The following SMARCA5 variants were observed in gnomAD, a reference collection of about 807,000 sequenced individuals.
The protein encoded by SMARCA5 is SWI/SNF-related matrix-associated actin-dependent regulator of chromatin subfamily A member 5.
In SMARCA5, 18 loss-of-function variants were observed where a neutral mutation model predicts 140.4. That is an observed-to-expected ratio of 0.13 (90% CI 0.09 to 0.19). SMARCA5 has a LOEUF of 0.19. SMARCA5 is among the 10% of genes least tolerant of loss of function. The probability of loss-of-function intolerance (pLI) is 1.00; values close to 1 mark genes in which losing one functional copy is unlikely to be tolerated. For missense variants in SMARCA5, 606 were observed against 1,276.8 expected (o/e 0.47, Z 8.01); for synonymous variants, 449 against 419.6 (o/e 1.07, Z -0.86).
intron 11 of SMARCA5, 117 bp from the exon 12 acceptor site, chr4:143,538,473 T>TCGG: frequency 1.2e-6 from 1 of 810,464 alleles, no homozygotes; most frequent in Non-Finnish European, 2.0e-6. Flanking sequence ...TTTTTCCCCC[T>TCGG]TGTAACCAAG....
chr4:143,526,478 C>T lies in SMARCA5; in HGVS notation c.801+18C>T, dbSNP rs1192048824. ...AACAAAGAGTAAGTTTCTAGTATTTCATTACATTTTTGAGGCTAAAATAAT... is the reference window on the plus strand; with the variant it reads ...AACAAAGAGTAAGTTTCTAGTATTTTATTACATTTTTGAGGCTAAAATAAT... On this transcript the variant is annotated intron_variant, in intron 6 of 23. Coordinates refer to ENST00000283131, the MANE Select transcript of SMARCA5 (RefSeq NM_003601.4). The T allele has an allele frequency of 1.9e-6, 3 of 1,540,548 alleles. No homozygotes were observed. Among genetic ancestry groups the T allele is most frequent in the East Asian group, 2.3e-5 (1 of 44,416 alleles).
intron 1 of SMARCA5, chr4:143,514,422 A>G: frequency 3.3e-6 from 1 of 300,316 alleles, no homozygotes; most frequent in South Asian, 6.0e-5. Flanking sequence ...TTCCCACTAG[A>G]CTCCCATAAT....
intron 23 of SMARCA5, among the ~76,000 whole-genome samples, chr4:143,551,825 ATAAGT>A (rs1386394397): frequency 1.3e-5 from 2 of 152,034 alleles, no homozygotes; most frequent in Non-Finnish European, 2.9e-5. Flanking sequence ...GCTCGGTACT[ATAAGT>A]TAAGTCAGGT....
At chr4:143,551,052 C>T (rs553833682) in intron 23 of SMARCA5, among the ~76,000 whole-genome samples, 2 of 152,134 alleles carry the variant, frequency 1.3e-5, no homozygotes, top group African/African-American at 4.8e-5. Flanking sequence ...TCCTTTTCTC[C>T]ACATTCTTGT....
At position 143,521,321 on chromosome 4, in the gene SMARCA5, CTCTT is replaced by C. The variant is rs914818408; in HGVS notation, c.253-106_253-103del. 5.7e-6 allele frequency: 4 copies of C among 706,082 alleles called. No individual in the cohort carries two copies. The African/African-American group carries it at 7.2e-5, about 13-fold the overall frequency. 43.7% of individuals were successfully genotyped at this position (706,082 alleles called of 1,614,324 possible). On this transcript the variant is annotated intron_variant, in intron 2 of 23. Transcript: ENST00000283131. The stretch of plus-strand genomic sequence containing the variant: ...ATCCATGTTGCATTTATCTGTAGTT[CTCTT>C]TTTTTTTTTGCTGAGTTCATTGTAT...
chr4:143,547,119 G>A (rs546393247), intron 20 of SMARCA5, among the ~76,000 whole-genome samples: 55 of 152,144 alleles, frequency 3.6e-4, no homozygotes, highest in African/African-American at 1.2e-3. Context: ...TAACTCTAGC[G>A]ACAGCAAAGA....
chr4:143,544,579 A>G (rs918533685), intron 16 of SMARCA5, among the ~76,000 whole-genome samples, 158 bp from the exon 17 acceptor site: 1 of 152,196 alleles, frequency 6.6e-6, no homozygotes, highest in Admixed American at 6.5e-5. Flanking sequence ...TGTTAATTAT[A>G]TACATAATAT....
chr4:143,517,069 T>G (rs1736856696), intron 1 of SMARCA5, among the ~76,000 whole-genome samples: 1 of 152,206 alleles, frequency 6.6e-6, no homozygotes, highest in Non-Finnish European at 1.5e-5. Flanking sequence ...ACAGATTGGC[T>G]TGTATTAAAT....
chr4:143,515,564 A>G (rs1431854249), intron 1 of SMARCA5, among the ~76,000 whole-genome samples: 1 of 152,238 alleles, frequency 6.6e-6, no homozygotes, highest in East Asian at 1.9e-4. Flanking sequence ...CAAACTTTGG[A>G]AAAATGAATG....
In SMARCA5 at chr4:143,552,874, A is replaced by C. The variant is rs913010840; in HGVS notation, c.3094-245A>C. Among the ~76,000 whole-genome samples the C allele has an allele frequency of 3.4e-4, 51 of 152,052 alleles. 1 individual carries two copies. The highest frequency in any genetic ancestry group is 1.2e-3 in the African/African-American group (49 of 41,540). ...TATTTGATATTGATCTACTACTGTT[A>C]ATTGTGCATTAGTTTTATAACGTCA... is the stretch of plus-strand genomic sequence containing the variant. On this transcript the variant is annotated intron_variant, in intron 23 of 23. Transcript: ENST00000283131.
chr4:143,531,036 G>A (rs916736557), intron 9 of SMARCA5, among the ~76,000 whole-genome samples: 9 of 152,082 alleles, frequency 5.9e-5, no homozygotes, highest in African/African-American at 2.2e-4. Flanking sequence ...GGCTAATCTC[G>A]AACTTCTGAA....
intron 11 of SMARCA5, among the ~76,000 whole-genome samples, chr4:143,538,034 A>G (rs1737350463): frequency 1.3e-5 from 2 of 152,184 alleles, no homozygotes; most frequent in South Asian, 2.1e-4. Context: ...ACTTTTCAAA[A>G]TGATCCTTTG....
chr4:143,523,677 G>A (rs147536815), intron 3 of SMARCA5, among the ~76,000 whole-genome samples: 1 of 152,202 alleles, frequency 6.6e-6, no homozygotes, highest in African/African-American at 2.4e-5. Flanking sequence ...TAGCAAGCAT[G>A]TGGTTTTGGT....
At chr4:143,532,725 C>T (rs1485323976) in intron 9 of SMARCA5, among the ~76,000 whole-genome samples, 1 of 148,226 alleles carries the variant, frequency 6.7e-6, no homozygotes, top group East Asian at 2.0e-4. Context: ...GTTACTAAGA[C>T]CCCCTTATTT....
In SMARCA5 at chr4:143,553,986, T is replaced by C. The variant is rs1483928336; in HGVS notation, c.*802T>C. On this transcript the variant is annotated 3_prime_UTR_variant, in exon 24 of 24. Transcript: ENST00000283131. ...CAGAACTAAGGTGATTTTTTTTTTTTAATTTTGAAAGCCCAGCCAAAATGA... is the reference window on the plus strand; with the variant it reads ...CAGAACTAAGGTGATTTTTTTTTTTCAATTTTGAAAGCCCAGCCAAAATGA... 2 of 151,700 alleles carry C rather than the reference T, an allele frequency of 1.3e-5. No homozygotes were observed. Among genetic ancestry groups the C allele is most frequent in the African/African-American group, 2.4e-5 (1 of 41,340 alleles). The allele number at this position is 151,700 out of a possible 1,614,324, so 9.4% of individuals were successfully genotyped here.
rs1737070533 is a variant in SMARCA5, at chr4:143,526,278, C to CAAA, written c.622-2_622-1insAAA. 3.7e-6 allele frequency: 6 copies of CAAA among 1,610,932 alleles called. No individual in the cohort carries two copies. In the East Asian group the frequency reaches 1.3e-4, roughly 36 times the overall value. On this transcript the variant is annotated splice_region_variant and splice_polypyrimidine_tract_variant and intron_variant, in intron 5 of 23. Transcript: ENST00000283131. ...GCTTCATGGTTATTTTGAAATCTTTCAGGGCCTAGGAAAGACTCTTCAAAC... is the reference window on the plus strand; with the variant it reads ...GCTTCATGGTTATTTTGAAATCTTTCAAAAGGGCCTAGGAAAGACTCTTCAAAC...
Position 143,538,714 on chromosome 4 carries a change from G to T in SMARCA5, c.1617+3G>T. ...AGACACCCCATGATGAGAGACAAGT[G>T]AGTAAAATTTGGGGAGGGAGATAAA... On this transcript the variant is annotated splice_donor_region_variant and intron_variant, in intron 12 of 23. Coordinates refer to ENST00000283131, the MANE Select transcript of SMARCA5 (RefSeq NM_003601.4). The T allele has an allele frequency of 1.2e-6, 2 of 1,613,916 alleles. No homozygotes were observed. The highest frequency in any genetic ancestry group is 2.2e-5 in the South Asian group (2 of 91,028).
chr4:143,553,117 A>G lies in SMARCA5; in HGVS notation c.3094-2A>G. The G allele has an allele frequency of 6.2e-7, 1 of 1,609,674 alleles. No homozygotes were observed. The highest frequency in any genetic ancestry group is 8.5e-7 in the Non-Finnish European group (1 of 1,176,162). On this transcript the variant is annotated splice_acceptor_variant, in intron 23 of 23. Transcript: ENST00000283131. LOFTEE classifies it high-confidence loss of function. ...AAAAGTAATCCTTCTGTCTGTTTGT[A>G]GACACAGAAACGTAAAATGGATGGC...
Position 143,521,550 on chromosome 4 carries a change from C to G in SMARCA5, c.374C>G (p.Pro125Arg). 6.2e-7 allele frequency: 1 copy of G among 1,611,960 alleles called. No individual in the cohort carries two copies. The highest frequency in any genetic ancestry group is 8.5e-7 in the Non-Finnish European group (1 of 1,179,162). ...CCTTTGAAGATGAAACCAGGGCGCC[C>G]ACGAATAAAAAAAGATGAGAAGCAG... Reference protein sequence around the residue: ...TSPLKMKPGRPRIKKDEKQNL... With the variant: ...TSPLKMKPGRRRIKKDEKQNL... The change falls in exon 3 of 24, where the codon CCA becomes CGA. Residue 125 changes from proline to arginine, a missense_variant. Physicochemically the swap from Pro to Arg is moderately radical, Grantham distance 103. Around this residue, in one of 10 missense-constraint regions of SMARCA5, gnomAD observed 110 missense variants for 287.7 expected, o/e 0.38. Coordinates refer to ENST00000283131, the MANE Select transcript of SMARCA5 (RefSeq NM_003601.4).
Sources: gnomAD v4.1 joint callset for allele counts (sites outside exome capture counted in the v4.1 genomes callset) on GRCh38, gnomAD v4.1.1 for gene constraint, gnomAD v4.1.1 regional missense constraint, MANE v1.5 for transcripts, NCBI Gene and HGNC (gene_info 2026-07-23, HGNC 2026-07-21) for gene names.